Variants in LMBRD2 observed in about 807,000 individuals in gnomAD.
LMBRD2 encodes the protein LMBR1 domain containing 2.
In LMBRD2, 55 loss-of-function variants were observed where a neutral mutation model predicts 94.4. That is an observed-to-expected ratio of 0.58 (90% CI 0.47 to 0.73). The LOEUF (loss-of-function observed/expected upper bound fraction) is 0.73. LMBRD2 is among the 30% of genes least tolerant of loss of function. LMBRD2 has a pLI of 0.00. For missense variants in LMBRD2, 640 were observed against 831.9 expected (o/e 0.77, Z 2.84); for synonymous variants, 246 against 272.4 (o/e 0.90, Z 0.95).
Position 36,106,508 on chromosome 5 carries a change from C to CTTTTTTTTTTTTTTTTT in LMBRD2, c.1898-1312_1898-1311insAAAAAAAAAAAAAAAAA, listed in dbSNP as rs201602814. On this transcript the variant is annotated intron_variant, in intron 16 of 17. Coordinates refer to ENST00000296603, the MANE Select transcript of LMBRD2 (RefSeq NM_001007527.2). ...TCAAAATCCCAACTTTTTTTTCTTT[C>CTTTTTTTTTTTTTTTTT]GTTTTTTTTTTTTTTTTTTTTGATG... Among the ~76,000 whole-genome samples, 3 of 132,866 alleles carry CTTTTTTTTTTTTTTTTT rather than the reference C, an allele frequency of 2.3e-5. 1 individual carries two copies. Among genetic ancestry groups the CTTTTTTTTTTTTTTTTT allele is most frequent in the Non-Finnish European group, 4.8e-5 (3 of 62,842 alleles). The allele number at this position is 132,866 out of a possible 152,430, so 87.2% of individuals were successfully genotyped here.
At chr5:36,113,978 C>T (rs1465228469) in intron 13 of LMBRD2, among the ~76,000 whole-genome samples, 1 of 152,128 alleles carries the variant, frequency 6.6e-6, no homozygotes, top group East Asian at 1.9e-4. Context: ...TACAATCGGT[C>T]CTCACCTGAC....
At position 36,142,728 on chromosome 5, in the gene LMBRD2, TTTTTC is replaced by T. The variant is rs1186799822; in HGVS notation, c.175-134_175-130del. 12 of 561,430 alleles carry T rather than the reference TTTTTC, an allele frequency of 2.1e-5. No homozygotes were observed. The East Asian group carries it at 3.4e-4, about 16-fold the overall frequency. The allele number at this position is 561,430 out of a possible 1,614,324, so 34.8% of individuals were successfully genotyped here. A position where few individuals can be genotyped will look rare whatever the true frequency, so the allele number is the denominator to read the frequency against. ...GCTATGCTTTATTCTTTTTTTTTTT[TTTTTC>T]TTTTTGTGTGAGACAGAGTCTCACT... On this transcript the variant is annotated intron_variant, in intron 2 of 17. Coordinates refer to ENST00000296603, the MANE Select transcript of LMBRD2 (RefSeq NM_001007527.2).
chr5:36,106,528 T>C (rs1198384948), intron 16 of LMBRD2, among the ~76,000 whole-genome samples: 1 of 149,978 alleles, frequency 6.7e-6, no homozygotes, highest in East Asian at 2.0e-4. Flanking sequence ...TTTTTTTTTT[T>C]TGATGGAGTC....
chr5:36,124,185 C>A lies in LMBRD2; in HGVS notation c.822+6G>T. 1 of 1,485,136 alleles carries A rather than the reference C, an allele frequency of 6.7e-7. No individual in the cohort carries two copies. The highest frequency in any genetic ancestry group is 1.2e-5 in the South Asian group (1 of 85,368). 92.0% of individuals were successfully genotyped at this position (1,485,136 alleles called of 1,614,324 possible). A position where few individuals can be genotyped will look rare whatever the true frequency, so the allele number is the denominator to read the frequency against. ...CAAAAGGAAACAGACAAGATGATTT[C>A]ATTACCTTTTTAAGTATTGTATCAA... On this transcript the variant is annotated splice_donor_region_variant and intron_variant, in intron 7 of 17. Transcript: ENST00000296603.
In LMBRD2 at chr5:36,136,383, T is replaced by C; in HGVS notation, c.673A>G (p.Lys225Glu). 1 of 1,614,124 alleles carries C rather than the reference T, an allele frequency of 6.2e-7. No homozygotes were observed. The highest frequency in any genetic ancestry group is 8.5e-7 in the Non-Finnish European group (1 of 1,179,956). ...AGTTTGGCTGCCTTAAAATACGTTT[T>C]CATAAGTAGATAACCCCTTTTTGCT... ...NGAKRGYLLMKTYFKAAKLMT... is the reference protein window; with the variant it reads ...NGAKRGYLLMETYFKAAKLMT... Residue 225 changes from lysine to glutamate, a missense_variant, in exon 6 of 18, where the codon AAA (lysine) becomes GAA (glutamate). Physicochemically the swap from Lys to Glu is moderately conservative, Grantham distance 56. Transcript: ENST00000296603.
chr5:36,134,365 G>C (rs1744221111), intron 6 of LMBRD2, among the ~76,000 whole-genome samples: 1 of 152,108 alleles, frequency 6.6e-6, no homozygotes, highest in African/African-American at 2.4e-5. Flanking sequence ...GTTGCTGAGT[G>C]TTTAAGAGTC....
In LMBRD2 at chr5:36,105,126, G is replaced by A. The variant is rs752962680; in HGVS notation, c.1969C>T (p.Pro657Ser). Residue 657 changes from proline to serine, a missense_variant, in exon 17 of 18, where the codon CCT (proline) becomes TCT (serine). Around this residue, in one of 2 missense-constraint regions of LMBRD2, gnomAD observed 183 missense variants for 189.1 expected, o/e 0.97. Transcript: ENST00000296603. ...AATGTTTCTGCATTAAAATCCAAAGGTTCTGCATCTTGGAGAAGTTCTATC... is the reference window on the plus strand; with the variant it reads ...AATGTTTCTGCATTAAAATCCAAAGATTCTGCATCTTGGAGAAGTTCTATC... ...DRIELLQDAEPLDFNAETFTD... is the reference protein window; with the variant it reads ...DRIELLQDAESLDFNAETFTD... The A allele has an allele frequency of 1.2e-6, 2 of 1,612,756 alleles. No individual in the cohort carries two copies. The highest frequency in any genetic ancestry group is 8.5e-7 in the Non-Finnish European group (1 of 1,179,074).
intron 11 of LMBRD2, 130 bp from the exon 12 acceptor site, chr5:36,115,250 A>G (rs1743712785): frequency 3.7e-6 from 2 of 542,900 alleles, no homozygotes; most frequent in East Asian, 3.4e-5. Flanking sequence ...CTTTATATAT[A>G]TATTGAATTC....
chr5:36,110,592 C>T (rs1014053185), intron 14 of LMBRD2, among the ~76,000 whole-genome samples: 1 of 151,966 alleles, frequency 6.6e-6, no homozygotes, highest in African/African-American at 2.4e-5. Flanking sequence ...TACACAAAAG[C>T]CCCAGACTCA....
chr5:36,147,827 TCAGAACACAAA>T (rs997781439), intron 1 of LMBRD2: 1 of 396,402 alleles, frequency 2.5e-6, no homozygotes, highest in African/African-American at 2.2e-5. Context: ...TACCAAGTGA[TCAGAACACAAA>T]CAAAACACTG....
At chr5:36,138,385 G>C (rs1182240812) in intron 4 of LMBRD2, among the ~76,000 whole-genome samples, 1 of 152,188 alleles carries the variant, frequency 6.6e-6, no homozygotes, top group Non-Finnish European at 1.5e-5. Context: ...GAAAAGAACA[G>C]AATACTGATA....
At chr5:36,146,970 G>T (rs437694) in intron 1 of LMBRD2, among the ~76,000 whole-genome samples, 1 of 150,508 alleles carries the variant, frequency 6.6e-6, no homozygotes, top group Non-Finnish European at 1.5e-5. Context: ...GTGTGTGTGT[G>T]TGTGTGTGTG....
chr5:36,137,296 T>C lies in LMBRD2; in HGVS notation c.514A>G (p.Asn172Asp). ...TACCATTCTAAATGTAAATGTGGGT[T>C]TACAGCTACATAAATTAAAAATGCT... ...FGAFLIYVAV[N>D]PHLHLEWNQL... Residue 172 changes from asparagine to aspartate, a missense_variant, in exon 5 of 18, where the codon AAC becomes GAC. Around this residue, in one of 2 missense-constraint regions of LMBRD2, gnomAD observed 457 missense variants for 642.8 expected, o/e 0.71. Coordinates refer to ENST00000296603, the MANE Select transcript of LMBRD2 (RefSeq NM_001007527.2). 6.3e-7 allele frequency: 1 copy of C among 1,596,374 alleles called. No homozygotes were observed. The highest frequency in any genetic ancestry group is 8.6e-7 in the Non-Finnish European group (1 of 1,167,824).
chr5:36,125,833 T>C (rs1017998028), intron 6 of LMBRD2, among the ~76,000 whole-genome samples: 5 of 152,138 alleles, frequency 3.3e-5, no homozygotes, highest in African/African-American at 1.2e-4. Flanking sequence ...AGATTCTGAT[T>C]AACTGATTAT....
chr5:36,128,681 T>A (rs1015888597), intron 6 of LMBRD2, among the ~76,000 whole-genome samples: 1 of 151,768 alleles, frequency 6.6e-6, no homozygotes, highest in Non-Finnish European at 1.5e-5. Flanking sequence ...GCCAAAATCA[T>A]GCCACTGCAC....
At chr5:36,137,541 G>C (rs1744300770) in intron 4 of LMBRD2, 100 bp from the exon 5 acceptor site, 1 of 637,888 alleles carries the variant, frequency 1.6e-6, no homozygotes, top group African/African-American at 1.8e-5. Flanking sequence ...TTAATGAATA[G>C]GTCTTCTCAT....
chr5:36,113,056 T>A (rs1743650081), intron 13 of LMBRD2, among the ~76,000 whole-genome samples: 1 of 152,158 alleles, frequency 6.6e-6, no homozygotes. Flanking sequence ...TCATATTGTC[T>A]TATGCCCTAT....
At chr5:36,125,546 A>G (rs1275032818) in intron 6 of LMBRD2, among the ~76,000 whole-genome samples, 1 of 152,228 alleles carries the variant, frequency 6.6e-6, no homozygotes, top group Non-Finnish European at 1.5e-5. Flanking sequence ...ACAGTTACAG[A>G]TTTTAAAAAT....
intron 6 of LMBRD2, among the ~76,000 whole-genome samples, chr5:36,129,996 A>C (rs182119131): frequency 6.6e-6 from 1 of 152,218 alleles, no homozygotes; most frequent in East Asian, 1.9e-4. Context: ...ATGAGAACAC[A>C]TGGACACAGG....
Sources: gnomAD v4.1 joint callset for allele counts (sites outside exome capture counted in the v4.1 genomes callset) on GRCh38, gnomAD v4.1.1 for gene constraint, gnomAD v4.1.1 regional missense constraint, MANE v1.5 for transcripts, NCBI Gene and HGNC (gene_info 2026-07-23, HGNC 2026-07-21) for gene names.